The following B4GALT1 variants were observed in gnomAD, a reference collection of about 807,000 sequenced individuals.
B4GALT1 encodes beta-1,4-galactosyltransferase 1.
In B4GALT1, 16 loss-of-function variants were observed where a neutral mutation model predicts 34.9. The ratio of observed to expected loss-of-function variants is 0.46; its 90% CI spans 0.31 to 0.70. The LOEUF (loss-of-function observed/expected upper bound fraction) is 0.70. B4GALT1 is among the 30% of genes least tolerant of loss of function. The pLI is 0.05. For synonymous variants in B4GALT1, 221 were observed against 218.1 expected, an observed-to-expected ratio of 1.01 and a Z score of -0.12; for missense variants, 445 against 530.5, an observed-to-expected ratio of 0.84 and a Z score of 1.58.
chr9:33,159,176 C>A (rs1840640420), intron 1 of B4GALT1, among the ~76,000 whole-genome samples: 1 of 152,110 alleles, frequency 6.6e-6, no homozygotes. Flanking sequence ...ACACCAATGA[C>A]AGCTCTGCGG....
At chr9:33,153,032 C>G (rs1840545876) in intron 1 of B4GALT1, among the ~76,000 whole-genome samples, 2 of 152,002 alleles carry the variant, frequency 1.3e-5, no homozygotes, top group African/African-American at 4.8e-5. Context: ...AGACTCCCAT[C>G]TTGAAAGAAA....
At chr9:33,164,893 G>GA (rs1270395581) in intron 1 of B4GALT1, among the ~76,000 whole-genome samples, 2 of 151,154 alleles carry the variant, frequency 1.3e-5, no homozygotes, top group Admixed American at 1.3e-4. Context: ...GTGGGAGTCT[G>GA]AAAAAATGAA....
chr9:33,184,255 C>T, the B4GALT1 span, among the ~76,000 whole-genome samples: 1 of 42,888 alleles, frequency 2.3e-5, no homozygotes, highest in South Asian at 8.8e-4. Context: ...CACTCTTGTA[C>T]ACACACACAC....
At chr9:33,164,681 C>G (rs1427506229) in intron 1 of B4GALT1, among the ~76,000 whole-genome samples, 1 of 152,226 alleles carries the variant, frequency 6.6e-6, no homozygotes, top group Non-Finnish European at 1.5e-5. Flanking sequence ...ACGACCTTGT[C>G]TCTTACGCTT....
chr9:33,145,791 G>A (rs920623778), intron 1 of B4GALT1, among the ~76,000 whole-genome samples: 7 of 152,224 alleles, frequency 4.6e-5, no homozygotes, highest in South Asian at 4.1e-4. Flanking sequence ...CTGTCCCTGC[G>A]CTGTACCCAC....
intron 2 of B4GALT1, among the ~76,000 whole-genome samples, chr9:33,134,425 A>C (rs1840237563): frequency 6.6e-6 from 1 of 152,196 alleles, no homozygotes; most frequent in Admixed American, 6.5e-5. Flanking sequence ...CATGAATTTA[A>C]GTGTTAGGGG....
At chr9:33,184,116 T>G in the B4GALT1 span, among the ~76,000 whole-genome samples, 1 of 152,106 alleles carries the variant, frequency 6.6e-6, no homozygotes, top group Non-Finnish European at 1.5e-5. Flanking sequence ...CATGTATACC[T>G]ATGTAACAAA....
chr9:33,132,154 T>G (rs138670755), intron 2 of B4GALT1, among the ~76,000 whole-genome samples: 2 of 151,050 alleles, frequency 1.3e-5, no homozygotes, highest in African/African-American at 4.9e-5. Context: ...ATTGACAAGA[T>G]AAGAAAAAAG....
intron 1 of B4GALT1, among the ~76,000 whole-genome samples, chr9:33,151,554 T>A (rs930345093): frequency 5.3e-5 from 8 of 152,206 alleles, no homozygotes; most frequent in African/African-American, 1.9e-4. Flanking sequence ...AATTTCCTTC[T>A]CTAAGGAGTG....
chr9:33,177,504 TTTTG>T, the B4GALT1 span: 6 of 152,202 alleles, frequency 3.9e-5, no homozygotes, highest in Non-Finnish European at 7.3e-5. Flanking sequence ...GGCCATGTTC[TTTTG>T]TTTGTGTATT....
chr9:33,106,329 G>T (rs1839796387), downstream of B4GALT1, among the ~76,000 whole-genome samples: 1 of 152,194 alleles, frequency 6.6e-6, no homozygotes, highest in Non-Finnish European at 1.5e-5. Flanking sequence ...AGAAGCCTGG[G>T]TAGGGAGTTT....
chr9:33,117,657 T>C (rs564012458), intron 3 of B4GALT1, among the ~76,000 whole-genome samples: 1 of 152,342 alleles, frequency 6.6e-6, no homozygotes, highest in Admixed American at 6.5e-5. Context: ...AAAATAAAGA[T>C]GCAATTATTA....
At chr9:33,108,585 T>C (rs1839819686), downstream of B4GALT1, 1 of 152,198 alleles carries the variant, frequency 6.6e-6, no homozygotes, top group African/African-American at 2.4e-5. Context: ...CATAGGCATA[T>C]GTCAGCTGTG....
chr9:33,167,792 G>A (rs1840794098), upstream of B4GALT1, among the ~76,000 whole-genome samples: 1 of 152,212 alleles, frequency 6.6e-6, no homozygotes, highest in Non-Finnish European at 1.5e-5. Context: ...GGCCTTGGTG[G>A]GCTAGGAAGA....
chr9:33,180,115 C>G, the B4GALT1 span: 1 of 152,222 alleles, frequency 6.6e-6, no homozygotes, highest in Non-Finnish European at 1.5e-5. Context: ...GTTGCCCAGC[C>G]TGGTCTTGAA....
intron 2 of B4GALT1, among the ~76,000 whole-genome samples, chr9:33,133,231 G>C (rs1424147981): frequency 6.6e-6 from 1 of 152,184 alleles, no homozygotes; most frequent in East Asian, 1.9e-4. Context: ...CTACCTATAT[G>C]GCACCCAGAC....
At chr9:33,125,714 T>C (rs1281858932) in intron 2 of B4GALT1, among the ~76,000 whole-genome samples, 1 of 152,104 alleles carries the variant, frequency 6.6e-6, no homozygotes, top group Non-Finnish European at 1.5e-5. Flanking sequence ...AAATCCTAAC[T>C]GTGGTTAAGG....
intron 2 of B4GALT1, 83 bp from the exon 3 acceptor site, chr9:33,120,689 T>C (rs1321672729): frequency 7.1e-7 from 1 of 1,403,334 alleles, no homozygotes; most frequent in Non-Finnish European, 9.9e-7. Context: ...ACTTGTCCAC[T>C]ACACATGGTC....
intron 2 of B4GALT1, among the ~76,000 whole-genome samples, chr9:33,133,270 A>T (rs560818865): frequency 6.6e-6 from 1 of 152,322 alleles, no homozygotes; most frequent in Non-Finnish European, 1.5e-5. Context: ...ACTCAGGCAG[A>T]TTTGTGGGAT....
Sources: gnomAD v4.1 joint callset for allele counts (sites outside exome capture counted in the v4.1 genomes callset) on GRCh38, gnomAD v4.1.1 for gene constraint, MANE v1.5 for transcripts, NCBI Gene and HGNC (gene_info 2026-07-23, HGNC 2026-07-21) for gene names.